CREBL2: variants seen among roughly 807,000 people sequenced by gnomAD.
CREBL2 encodes the protein cAMP-responsive element-binding protein-like 2.
In CREBL2, 4 loss-of-function variants were observed where a neutral mutation model predicts 19.5. The ratio of observed to expected loss-of-function variants is 0.20; its 90% CI spans 0.10 to 0.47. CREBL2 has a LOEUF of 0.47. CREBL2 is among the 20% of genes least tolerant of loss of function. The pLI, the probability that CREBL2 is intolerant of heterozygous loss-of-function variation, is 0.98. For synonymous variants in CREBL2, 42 were observed against 46.6 expected (o/e 0.90, Z 0.40); for missense variants, 85 against 145.1 (o/e 0.59, Z 2.13).
At chr12:12,635,718 A>G in intron 1 of CREBL2, 59 bp from the exon 2 acceptor site, 13 of 1,533,006 alleles carry the variant, frequency 8.5e-6, no homozygotes, top group Non-Finnish European at 1.1e-5. Flanking sequence ...ATGCAGCCAT[A>G]TTCACTTTTC....
chr12:12,635,768 T>G lies in CREBL2; in HGVS notation c.16-9T>G. ...AGGAAAAAATTATTTCTTCTCTCGCTTGCTGAAGGTGGTTGGAGGCAAAGT... is the reference window on the plus strand; with the variant it reads ...AGGAAAAAATTATTTCTTCTCTCGCGTGCTGAAGGTGGTTGGAGGCAAAGT... On this transcript the variant is annotated splice_polypyrimidine_tract_variant and intron_variant, in intron 1 of 3. Coordinates refer to ENST00000228865, the MANE Select transcript of CREBL2 (RefSeq NM_001310.4). 1 of 1,604,998 alleles carries G rather than the reference T, an allele frequency of 6.2e-7. No individual in the cohort carries two copies. Among genetic ancestry groups the G allele is most frequent in the Non-Finnish European group, 8.5e-7 (1 of 1,175,356 alleles).
chr12:12,620,695 T>C (rs1945352674), intron 1 of CREBL2, among the ~76,000 whole-genome samples: 1 of 152,256 alleles, frequency 6.6e-6, no homozygotes, highest in Non-Finnish European at 1.5e-5. Flanking sequence ...ATTCAGAATG[T>C]TTTGTCCTCT....
intron 1 of CREBL2, among the ~76,000 whole-genome samples, chr12:12,622,706 C>G (rs1945369084): frequency 6.6e-6 from 1 of 152,186 alleles, no homozygotes; most frequent in Non-Finnish European, 1.5e-5. Flanking sequence ...GAGAAGAAGC[C>G]TAACCCACAG....
chr12:12,628,240 T>C (rs1333034955), intron 1 of CREBL2, among the ~76,000 whole-genome samples: 1 of 152,184 alleles, frequency 6.6e-6, no homozygotes, highest in African/African-American at 2.4e-5. Context: ...TTTTGTGGTT[T>C]TCATTCACAT....
intron 1 of CREBL2, among the ~76,000 whole-genome samples, chr12:12,619,904 TTTC>T (rs1945347193): frequency 6.6e-6 from 1 of 152,280 alleles, no homozygotes; most frequent in African/African-American, 2.4e-5. Context: ...GGAAATGAGG[TTTC>T]TTACACTTTC....
intron 1 of CREBL2, among the ~76,000 whole-genome samples, chr12:12,617,092 G>C (rs1200806732): frequency 1.3e-5 from 2 of 152,204 alleles, no homozygotes; most frequent in Non-Finnish European, 2.9e-5. Context: ...GCTGGAGTGA[G>C]AGCAGGACAG....
At chr12:12,639,723 C>T (rs1272488761) in intron 3 of CREBL2, among the ~76,000 whole-genome samples, 4 of 151,998 alleles carry the variant, frequency 2.6e-5, no homozygotes, top group East Asian at 1.9e-4. Context: ...CCATAAATGT[C>T]GGCCAACTGA....
intron 1 of CREBL2, among the ~76,000 whole-genome samples, chr12:12,634,935 C>T (rs1945463446): frequency 6.6e-6 from 1 of 150,776 alleles, no homozygotes; most frequent in South Asian, 2.1e-4. Flanking sequence ...TGGTGATGCT[C>T]ACCTGTAGAC....
At position 12,642,140 on chromosome 12, in the gene CREBL2, T is replaced by C; in HGVS notation, c.*142T>C. On this transcript the variant is annotated 3_prime_UTR_variant, in exon 4 of 4. Transcript: ENST00000228865. ...TGTAAATCTGCAATTTCTACCAAAA[T>C]GTGTGATCGTAGATCTCAAAGGATC... The C allele has an allele frequency of 4.1e-6, 2 of 492,858 alleles. No homozygotes were observed. Among genetic ancestry groups the C allele is most frequent in the Non-Finnish European group, 7.1e-6 (2 of 282,702 alleles). The allele number at this position is 492,858 out of a possible 1,614,324, so 30.5% of individuals were successfully genotyped here.
In CREBL2 at chr12:12,612,106, C is replaced by T; in HGVS notation, c.-67C>T. 6.3e-6 allele frequency: 10 copies of T among 1,593,016 alleles called. No individual in the cohort carries two copies. The highest frequency in any genetic ancestry group is 7.7e-6 in the Non-Finnish European group (9 of 1,169,176). On this transcript the variant is annotated 5_prime_UTR_variant, in exon 1 of 4. Coordinates refer to ENST00000228865, the MANE Select transcript of CREBL2 (RefSeq NM_001310.4). ...CTTCTTCCTCGGGGCGGGGGCCGGG[C>T]CAGGCCGGCTGAGCCGGGGGAGGGC...
chr12:12,624,616 A>G (rs962469861), intron 1 of CREBL2, among the ~76,000 whole-genome samples: 1 of 152,230 alleles, frequency 6.6e-6, no homozygotes, highest in African/African-American at 2.4e-5. Flanking sequence ...TGCAGGCCCA[A>G]TGGCAGCATC....
chr12:12,613,006 G>A (rs1277977709), intron 1 of CREBL2, among the ~76,000 whole-genome samples: 2 of 152,136 alleles, frequency 1.3e-5, no homozygotes, highest in African/African-American at 4.8e-5. Context: ...CGAGCAGCTG[G>A]GATTACAGGC....
At chr12:12,635,569 T>G (rs1945468846) in intron 1 of CREBL2, among the ~76,000 whole-genome samples, 1 of 152,182 alleles carries the variant, frequency 6.6e-6, no homozygotes, top group Admixed American at 6.6e-5. Context: ...TGTATATTAT[T>G]TCTTCTTTCA....
chr12:12,635,687 A>G (rs1945469649), intron 1 of CREBL2, 90 bp from the exon 2 acceptor site: 2 of 1,448,506 alleles, frequency 1.4e-6, no homozygotes, highest in Admixed American at 4.8e-5. Flanking sequence ...CGTTTTGTTT[A>G]TAAATGTTCT....
intron 3 of CREBL2, among the ~76,000 whole-genome samples, chr12:12,639,429 C>T (rs1945500810): frequency 6.6e-6 from 1 of 152,206 alleles, no homozygotes; most frequent in African/African-American, 2.4e-5. Flanking sequence ...CAATGTATGT[C>T]TGCTCCAATT....
intron 1 of CREBL2, among the ~76,000 whole-genome samples, chr12:12,619,814 A>G (rs911993554): frequency 3.9e-5 from 6 of 152,182 alleles, no homozygotes; most frequent in South Asian, 2.1e-4. Context: ...GAGTGGGCCA[A>G]CTACTGGCTG....
chr12:12,614,724 T>C, intron 1 of CREBL2: 1 of 303,784 alleles, frequency 3.3e-6, no homozygotes, highest in South Asian at 2.9e-5. Context: ...TAAGAGTACT[T>C]AATATGCTCA....
At chr12:12,627,961 C>T (rs1331675938) in intron 1 of CREBL2, among the ~76,000 whole-genome samples, 1 of 152,060 alleles carries the variant, frequency 6.6e-6, no homozygotes, top group East Asian at 1.9e-4. Flanking sequence ...CTCACTGCAA[C>T]CTCCAACTCC....
chr12:12,639,589 A>C (rs1287531533), intron 3 of CREBL2, among the ~76,000 whole-genome samples: 1 of 152,144 alleles, frequency 6.6e-6, no homozygotes, highest in Non-Finnish European at 1.5e-5. Flanking sequence ...ATTCGTATGT[A>C]TTCTTTGGGG....
Sources: allele counts gnomAD v4.1 joint callset (sites outside exome capture counted in the v4.1 genomes callset), GRCh38; gene constraint gnomAD v4.1.1; transcripts MANE v1.5; gene names NCBI Gene and HGNC (gene_info 2026-07-23, HGNC 2026-07-21).